Variants in SOX6 observed in about 807,000 individuals in gnomAD.
SOX6 encodes the protein transcription factor SOX-6.
Under a neutral mutation model 97.8 loss-of-function variants are expected in SOX6, and 11 were observed. The ratio of observed to expected loss-of-function variants is 0.11; its 90% CI spans 0.07 to 0.19. The LOEUF (loss-of-function observed/expected upper bound fraction) is 0.19. Ranked by LOEUF, SOX6 falls within the 10% of genes least tolerant of loss-of-function variation. The pLI, the probability that SOX6 is intolerant of heterozygous loss-of-function variation, is 1.00. For synonymous variants in SOX6, 360 were observed against 371.4 expected (o/e 0.97, Z 0.35); for missense variants, 810 against 1,039.5 (o/e 0.78, Z 3.04).
intron 6 of SOX6, among the ~76,000 whole-genome samples, chr11:16,137,357 C>T (rs995110792): frequency 1.2e-4 from 18 of 151,916 alleles, no homozygotes; most frequent in Non-Finnish European, 2.1e-4. Context: ...GCCCAGGAGG[C>T]GGAGGTTGCA....
At chr11:16,593,761 A>G (rs1848180003) in intron 4 of SOX6, among the ~76,000 whole-genome samples, 1 of 152,222 alleles carries the variant, frequency 6.6e-6, no homozygotes, top group Admixed American at 6.5e-5. Context: ...GAAGGCATTA[A>G]TATTCTCATT....
chr11:16,026,512 G>A (rs1855220390), intron 12 of SOX6, among the ~76,000 whole-genome samples: 1 of 152,154 alleles, frequency 6.6e-6, no homozygotes, highest in African/African-American at 2.4e-5. Context: ...TCCCTAGTTT[G>A]AGACTCATTA....
Position 16,023,197 on chromosome 11 carries a change from C to T in SOX6, c.1624-8147G>A, listed in dbSNP as rs564297533. 4 of 152,132 alleles carry T rather than the reference C, an allele frequency of 2.6e-5. No individual in the cohort carries two copies. In the East Asian group the frequency reaches 7.8e-4, roughly 30 times the overall value. 9.4% of individuals were successfully genotyped at this position (152,132 alleles called of 1,614,324 possible). On this transcript the variant is annotated intron_variant, in intron 12 of 15. Transcript: ENST00000683767. The stretch of plus-strand genomic sequence containing the variant: ...ACCCCTAACCCCTTTCCTCTAACAC[C>T]AAATGTGGTGTTCCATCACCACATT...
At chr11:16,318,120 G>T (rs1412173160) in intron 3 of SOX6, 7 of 378,200 alleles carry the variant, frequency 1.9e-5, no homozygotes, top group South Asian at 1.7e-4. Context: ...AGGAAATAGG[G>T]GAGAAAAAAT....
At chr11:16,187,647 T>G (rs755089979) in intron 4 of SOX6, among the ~76,000 whole-genome samples, 2 of 152,160 alleles carry the variant, frequency 1.3e-5, no homozygotes, top group Non-Finnish European at 2.9e-5. Context: ...TTTGTCATTT[T>G]TCAAAGAGAA....
At chr11:16,166,443 T>C (rs2134077330) in intron 6 of SOX6, among the ~76,000 whole-genome samples, 1 of 152,346 alleles carries the variant, frequency 6.6e-6, no homozygotes, top group South Asian at 2.1e-4. Context: ...ACTTTGAATG[T>C]TTCCTTCTTT....
At chr11:16,487,653 A>G (rs1860457663) in intron 4 of SOX6, among the ~76,000 whole-genome samples, 1 of 152,206 alleles carries the variant, frequency 6.6e-6, no homozygotes, top group Non-Finnish European at 1.5e-5. Context: ...TAATCAGCGT[A>G]TTTTGTATAG....
chr11:16,431,193 G>A (rs1475675671), intron 1 of SOX6, among the ~76,000 whole-genome samples: 7 of 151,958 alleles, frequency 4.6e-5, no homozygotes, highest in Non-Finnish European at 4.4e-5. Flanking sequence ...CCTCACCTCA[G>A]CACTCCCTAC....
chr11:16,425,968 A>G (rs1859120109), intron 1 of SOX6, among the ~76,000 whole-genome samples: 1 of 151,754 alleles, frequency 6.6e-6, no homozygotes, highest in Non-Finnish European at 1.5e-5. Context: ...AAAAAAAACT[A>G]TTTTAAGGCT....
At chr11:16,456,459 C>T (rs1041799379) in intron 1 of SOX6, among the ~76,000 whole-genome samples, 1 of 152,032 alleles carries the variant, frequency 6.6e-6, no homozygotes, top group African/African-American at 2.4e-5. Flanking sequence ...GACTCTCAAC[C>T]AAGGAAACCA....
chr11:16,116,279 C>CT (rs1849346226), intron 6 of SOX6, among the ~76,000 whole-genome samples: 1 of 152,134 alleles, frequency 6.6e-6, no homozygotes, highest in African/African-American at 2.4e-5. Flanking sequence ...TTTACATACT[C>CT]TATCTCATTT....
At chr11:16,558,469 C>T (rs540702123) in intron 4 of SOX6, among the ~76,000 whole-genome samples, 8 of 152,106 alleles carry the variant, frequency 5.3e-5, no homozygotes, top group Non-Finnish European at 7.4e-5. Flanking sequence ...TTACAAAGAA[C>T]GAAGCTATTC....
At chr11:16,524,278 C>A (rs536050086) in intron 4 of SOX6, among the ~76,000 whole-genome samples, 3 of 151,622 alleles carry the variant, frequency 2.0e-5, no homozygotes, top group African/African-American at 4.8e-5. Context: ...AGCTTATCCA[C>A]CATGATCAAG....
At chr11:16,408,329 A>C (rs1346941716) in intron 1 of SOX6, among the ~76,000 whole-genome samples, 1 of 152,238 alleles carries the variant, frequency 6.6e-6, no homozygotes, top group Non-Finnish European at 1.5e-5. Flanking sequence ...AAGTGCTTGC[A>C]TATCAGAAAA....
At chr11:16,683,902 A>G (rs1847948173) in intron 3 of SOX6, among the ~76,000 whole-genome samples, 1 of 152,202 alleles carries the variant, frequency 6.6e-6, no homozygotes, top group Admixed American at 6.5e-5. Flanking sequence ...AAAAACAAAC[A>G]ACTCCATCAA....
chr11:16,010,912 T>C (rs958546486), intron 13 of SOX6, among the ~76,000 whole-genome samples: 2 of 152,048 alleles, frequency 1.3e-5, no homozygotes, highest in African/African-American at 4.8e-5. Flanking sequence ...CTCAGTGTTT[T>C]ATCAAGATTC....
Position 15,989,085 on chromosome 11 carries a change from A to G in SOX6, c.1878T>C (p.Asn626=), listed in dbSNP as rs1347100153. ...SSEPHIKRPM[N]AFMVWAKDER... is the part of the protein sequence containing the mutation. ...CATCCTTTGCCCAAACCATGAATGC[A>G]TTCATTGGTCGCTTAATGTGTGGCT... The change falls in exon 14 of 16, where the codon AAT becomes AAC. Residue 626 remains asparagine (N), a synonymous_variant. Coordinates refer to ENST00000683767, the MANE Select transcript of SOX6 (RefSeq NM_001367873.1). The G allele has an allele frequency of 6.2e-7, 1 of 1,614,192 alleles. No homozygotes were observed.
chr11:16,011,488 TTC>T (rs1279530391), intron 13 of SOX6, among the ~76,000 whole-genome samples: 13 of 152,132 alleles, frequency 8.5e-5, no homozygotes, highest in Non-Finnish European at 1.8e-4. Flanking sequence ...TATTTTTAAT[TTC>T]TGTTTTCCTT....
chr11:16,414,910 A>G (rs1475893804), intron 1 of SOX6, among the ~76,000 whole-genome samples: 2 of 152,182 alleles, frequency 1.3e-5, no homozygotes, highest in Non-Finnish European at 2.9e-5. Flanking sequence ...GTAATATTCT[A>G]TATTTTAATG....
Sources: allele counts gnomAD v4.1 joint callset (sites outside exome capture counted in the v4.1 genomes callset), GRCh38; gene constraint gnomAD v4.1.1; transcripts MANE v1.5; gene names NCBI Gene and HGNC (gene_info 2026-07-23, HGNC 2026-07-21).